Variants in AGTPBP1 observed in about 807,000 individuals in gnomAD.
AGTPBP1 encodes cytosolic carboxypeptidase 1.
In AGTPBP1, 70 loss-of-function variants were observed where a neutral mutation model predicts 143.9. The observed-to-expected ratio is 0.49, with a 90% CI of 0.40 to 0.59. The LOEUF is 0.59. Among genes scored for constraint, AGTPBP1 ranks in the 20% least tolerant of loss-of-function variants. The pLI, the probability that AGTPBP1 is intolerant of heterozygous loss-of-function variation, is 0.00. For synonymous variants in AGTPBP1, 463 were observed against 500.2 expected, an observed-to-expected ratio of 0.93 and a Z score of 0.99; for missense variants, 1,229 against 1,464.5, an observed-to-expected ratio of 0.84 and a Z score of 2.62.
intron 15 of AGTPBP1, among the ~76,000 whole-genome samples, chr9:85,620,501 T>C (rs1464956954): frequency 1.3e-5 from 2 of 151,970 alleles, no homozygotes; most frequent in African/African-American, 2.4e-5. Flanking sequence ...TATTTGTATG[T>C]TGAGGGAGAG....
At chr9:85,602,211 T>C (rs1220258725) in intron 17 of AGTPBP1, among the ~76,000 whole-genome samples, 2 of 151,080 alleles carry the variant, frequency 1.3e-5, no homozygotes, top group African/African-American at 4.9e-5. Flanking sequence ...AGAAGCTCAG[T>C]GAGATACAAG....
At chr9:85,647,376 A>C (rs1260396303) in intron 11 of AGTPBP1, among the ~76,000 whole-genome samples, 2 of 152,242 alleles carry the variant, frequency 1.3e-5, no homozygotes, top group Non-Finnish European at 2.9e-5. Flanking sequence ...GCTTGGTGTA[A>C]ATATAGTCTC....
At chr9:85,769,153 A>C in the AGTPBP1 span, among the ~76,000 whole-genome samples, 1 of 152,258 alleles carries the variant, frequency 6.6e-6, no homozygotes, top group Middle Eastern at 3.4e-3. Context: ...GGACACATGA[A>C]ATTTTTTTCT....
intron 25 of AGTPBP1, among the ~76,000 whole-genome samples, chr9:85,553,212 G>A (rs934597077): frequency 1.3e-5 from 2 of 152,016 alleles, no homozygotes; most frequent in African/African-American, 4.8e-5. Flanking sequence ...TATCCAACAA[G>A]AGAATATGTC....
chr9:85,593,377 G>C (rs1368753851), intron 18 of AGTPBP1, among the ~76,000 whole-genome samples: 6 of 152,128 alleles, frequency 3.9e-5, no homozygotes, highest in Admixed American at 1.3e-4. Context: ...AAAGAGAAAA[G>C]GGAAGCCTAT....
chr9:85,559,041 T>A (rs926233098), intron 25 of AGTPBP1, among the ~76,000 whole-genome samples: 1 of 152,234 alleles, frequency 6.6e-6, no homozygotes, highest in Non-Finnish European at 1.5e-5. Context: ...TCAGTCTCAT[T>A]CTCAAATCAT....
chr9:85,600,300 A>C (rs995180631), intron 17 of AGTPBP1, among the ~76,000 whole-genome samples: 6 of 152,008 alleles, frequency 3.9e-5, no homozygotes, highest in Non-Finnish European at 7.4e-5. Context: ...TGACCCCTCC[A>C]CTCACATAAA....
In AGTPBP1 at chr9:85,553,327, A is replaced by G. The variant is rs146190712; in HGVS notation, c.3504-6041T>C. 5.9e-5 allele frequency among the ~76,000 whole-genome samples: 9 copies of G among 152,376 alleles called. No homozygotes were observed. In the East Asian group the frequency reaches 1.3e-3, roughly 23 times the overall value. The stretch of plus-strand genomic sequence containing the variant: ...TCAATGTAAAATTTTTTGACTTTAC[A>G]ATGGTGCAAAACCATTCCGTTATTT... On this transcript the variant is annotated intron_variant, in intron 25 of 25. Transcript: ENST00000357081.
chr9:85,636,176 T>G (rs1198767826), intron 13 of AGTPBP1, among the ~76,000 whole-genome samples: 1 of 150,638 alleles, frequency 6.6e-6, no homozygotes, highest in Non-Finnish European at 1.5e-5. Flanking sequence ...AATCTCAGAC[T>G]AAGAAATGAC....
At chr9:85,764,860 G>C in the AGTPBP1 span, 1 of 1,284,232 alleles carries the variant, frequency 7.8e-7, no homozygotes, top group Non-Finnish European at 1.1e-6. Context: ...AAAAGGATCA[G>C]CTCCAGAAAC....
rs903317881 is a variant in AGTPBP1, at chr9:85,674,626, G to A, written c.437-1945C>T. 2.6e-5 allele frequency among the ~76,000 whole-genome samples: 4 copies of A among 152,004 alleles called. No homozygotes were observed. In the East Asian group the frequency reaches 7.7e-4, roughly 29 times the overall value. ...AAGAGCTAAAGAAAAATAAGAGACA[G>A]CTAACATATTCCTTAAATAAACTAA... is the stretch of plus-strand genomic sequence containing the variant. On this transcript the variant is annotated intron_variant, in intron 6 of 25. Transcript: ENST00000357081.
At chr9:85,749,884 CCT>C in the AGTPBP1 span, among the ~76,000 whole-genome samples, 71 of 74,386 alleles carry the variant, frequency 9.5e-4, no homozygotes, top group Non-Finnish European at 7.2e-4. Context: ...CTCCTGTATC[CCT>C]TTTTTTTTTT....
chr9:85,621,317 T>C, intron 14 of AGTPBP1, 32 bp from the exon 15 acceptor site: 3 of 1,051,280 alleles, frequency 2.9e-6, no homozygotes, highest in Non-Finnish European at 3.9e-6. Flanking sequence ...CAAAATATAT[T>C]ATTATACACT....
intron 2 of AGTPBP1, among the ~76,000 whole-genome samples, chr9:85,697,456 T>TG (rs900412541): frequency 1.5e-5 from 2 of 134,026 alleles, no homozygotes; most frequent in Non-Finnish European, 3.2e-5. Flanking sequence ...TTTTTTTTTT[T>TG]TTTTTTTTTT....
At chr9:85,623,404 T>C (rs774074719) in intron 14 of AGTPBP1, among the ~76,000 whole-genome samples, 3 of 152,128 alleles carry the variant, frequency 2.0e-5, no homozygotes, top group Non-Finnish European at 4.4e-5. Context: ...CCCATTTATA[T>C]TAGACTAGAT....
At chr9:85,686,202 G>C (rs889691460) in intron 3 of AGTPBP1, among the ~76,000 whole-genome samples, 2 of 151,756 alleles carry the variant, frequency 1.3e-5, no homozygotes, top group Non-Finnish European at 2.9e-5. Flanking sequence ...ACTATATACT[G>C]TCTACAGAAA....
At chr9:85,568,919 A>AG (rs776830683) in intron 25 of AGTPBP1, among the ~76,000 whole-genome samples, 1 of 152,188 alleles carries the variant, frequency 6.6e-6, no homozygotes, top group Non-Finnish European at 1.5e-5. Flanking sequence ...TTTTGTGTCC[A>AG]GGTGTACATA....
At chr9:85,591,493 G>C (rs1828965758) in intron 19 of AGTPBP1, among the ~76,000 whole-genome samples, 2 of 151,932 alleles carry the variant, frequency 1.3e-5, no homozygotes, top group African/African-American at 4.8e-5. Flanking sequence ...GAAAGCAGGA[G>C]AATTCAAAAT....
chr9:85,589,440 C>T, intron 20 of AGTPBP1, 88 bp downstream of exon 20: 1 of 1,476,350 alleles, frequency 6.8e-7, no homozygotes, highest in Non-Finnish European at 9.1e-7. Context: ...ATGTCTGTTC[C>T]TATTATCATT....
Sources: gnomAD v4.1 joint callset for allele counts (sites outside exome capture counted in the v4.1 genomes callset) on GRCh38, gnomAD v4.1.1 for gene constraint, MANE v1.5 for transcripts, NCBI Gene and HGNC (gene_info 2026-07-23, HGNC 2026-07-21) for gene names.